SDCCAG8: variants seen among roughly 807,000 people sequenced by gnomAD.
SDCCAG8 encodes serologically defined colon cancer antigen 8.
SDCCAG8 carries 74 observed loss-of-function variants against 101.8 expected under a neutral mutation model. That is an observed-to-expected ratio of 0.73 (90% confidence interval 0.60 to 0.88). The LOEUF (loss-of-function observed/expected upper bound fraction) is 0.88, where lower values mean the gene tolerates loss of function less well. Among genes scored for constraint, SDCCAG8 ranks in the 40% least tolerant of loss-of-function variants. The pLI is 0.00. For missense variants in SDCCAG8, 787 were observed against 822.6 expected, an observed-to-expected ratio of 0.96 and a Z score of 0.53; for synonymous variants, 281 against 292.9, an observed-to-expected ratio of 0.96 and a Z score of 0.41.
At chr1:243,332,808 C>T (rs1285008178) in intron 10 of SDCCAG8, among the ~76,000 whole-genome samples, 3 of 149,966 alleles carry the variant, frequency 2.0e-5, no homozygotes, top group East Asian at 2.0e-4. Flanking sequence ...AGGTGGTTAT[C>T]GTAGTCCAGG....
rs972337943 is a variant in SDCCAG8 at position 243,256,114 on chromosome 1, G to A, written c.-60G>A. Reference sequence around the variant, plus strand: ...CCCGGCCACAGGCCTGTTGTTCTCGGAAGGGAGAAAGCTGGACATTTCCCC... The same window carrying A: ...CCCGGCCACAGGCCTGTTGTTCTCGAAAGGGAGAAAGCTGGACATTTCCCC... On this transcript the variant is annotated 5_prime_UTR_variant, in exon 1 of 18. Transcript: ENST00000366541. 1.3e-6 allele frequency: 2 copies of A among 1,525,578 alleles called. No individual in the cohort carries two copies. Among genetic ancestry groups the A allele is most frequent in the Non-Finnish European group, 1.8e-6 (2 of 1,099,380 alleles). 94.5% of individuals were successfully genotyped at this position (1,525,578 alleles called of 1,614,324 possible).
chr1:243,499,669 T>C (rs1669020250), intron 17 of SDCCAG8, 87 bp from the exon 18 acceptor site: 1 of 1,085,744 alleles, frequency 9.2e-7, no homozygotes, highest in South Asian at 1.3e-5. Context: ...GTTTTCATCA[T>C]AAAAGGTGAC....
intron 12 of SDCCAG8, among the ~76,000 whole-genome samples, chr1:243,359,108 A>G (rs1183253895): frequency 6.6e-6 from 1 of 152,192 alleles, no homozygotes; most frequent in Non-Finnish European, 1.5e-5. Context: ...TAGAGTAACT[A>G]AGGAGGAGGA....
At chr1:243,411,099 A>ATTTATTTATT (rs2080139263) in intron 13 of SDCCAG8, among the ~76,000 whole-genome samples, 1 of 151,958 alleles carries the variant, frequency 6.6e-6, no homozygotes, top group African/African-American at 2.4e-5. Flanking sequence ...TCCTCCTTTA[A>ATTTATTTATT]TTTATTTATT....
chr1:243,323,321 T>C (rs1343303878), intron 9 of SDCCAG8, among the ~76,000 whole-genome samples: 1 of 152,120 alleles, frequency 6.6e-6, no homozygotes, highest in African/African-American at 2.4e-5. Context: ...GATGACCTAC[T>C]TCTCACTTTA....
At chr1:243,395,899 AT>A (rs1159050849) in intron 13 of SDCCAG8, among the ~76,000 whole-genome samples, 1 of 152,066 alleles carries the variant, frequency 6.6e-6, no homozygotes, top group Non-Finnish European at 1.5e-5. Context: ...AATTTAGAAA[AT>A]TTTACAGACT....
intron 13 of SDCCAG8, among the ~76,000 whole-genome samples, chr1:243,401,802 A>G (rs1268494809): frequency 6.6e-6 from 1 of 151,628 alleles, no homozygotes; most frequent in Non-Finnish European, 1.5e-5. Flanking sequence ...GGTTGTTCTT[A>G]GTGTTCTATC....
intron 6 of SDCCAG8, among the ~76,000 whole-genome samples, chr1:243,296,857 A>G (rs981042027): frequency 6.6e-6 from 1 of 152,110 alleles, no homozygotes; most frequent in Admixed American, 6.5e-5. Context: ...TAAGGTCATT[A>G]ATGACTTCCA....
rs2074521476 is a variant in SDCCAG8 at position 243,330,683 on chromosome 1, G to A, written c.1212G>A (p.Met404Ile). ...KKEITKEREY[M>I]GSKMLILSQN... Reference sequence around the variant, plus strand: ...AAATAACGAAAGAAAGGGAGTACATGGGATCAAAGGTACTTAAGGACTCTG... The same window carrying A: ...AAATAACGAAAGAAAGGGAGTACATAGGATCAAAGGTACTTAAGGACTCTG... The change falls in exon 10 of 18, where the codon ATG (methionine) becomes ATA (isoleucine). Residue 404 changes from methionine (M) to isoleucine (I), a missense_variant. By Grantham distance (10) the Met-to-Ile change is conservative. Transcript: ENST00000366541. 6.2e-7 allele frequency: 1 copy of A among 1,614,004 alleles called. No homozygotes were observed. The highest frequency in any genetic ancestry group is 8.5e-7 in the Non-Finnish European group (1 of 1,179,956).
chr1:243,328,255 T>C (rs902464827), intron 9 of SDCCAG8, among the ~76,000 whole-genome samples: 2 of 151,606 alleles, frequency 1.3e-5, no homozygotes, highest in African/African-American at 4.8e-5. Context: ...GAGACATCAG[T>C]AACCAGTTTT....
intron 8 of SDCCAG8, among the ~76,000 whole-genome samples, chr1:243,311,465 G>A (rs1264270817): frequency 1.3e-5 from 2 of 152,144 alleles, no homozygotes; most frequent in African/African-American, 4.8e-5. Flanking sequence ...AGAGGTGGAC[G>A]AAGGCAATGA....
chr1:243,268,800 T>A (rs2067841768), intron 1 of SDCCAG8, among the ~76,000 whole-genome samples: 1 of 152,364 alleles, frequency 6.6e-6, no homozygotes, highest in Admixed American at 6.5e-5. Context: ...TGTTTATAAA[T>A]GTATTTTTAT....
chr1:243,293,365 A>C (rs1204245996), intron 6 of SDCCAG8, 146 bp downstream of exon 6: 1 of 823,930 alleles, frequency 1.2e-6, no homozygotes, highest in Non-Finnish European at 2.0e-6. Context: ...AAGTACATTC[A>C]TGTCACTCAA....
chr1:243,490,357 C>T (rs377223520), intron 17 of SDCCAG8, among the ~76,000 whole-genome samples: 1 of 152,240 alleles, frequency 6.6e-6, no homozygotes, highest in African/African-American at 2.4e-5. Context: ...GCCACAGCCG[C>T]ACTGCCACAG....
intron 4 of SDCCAG8, among the ~76,000 whole-genome samples, chr1:243,284,699 G>A (rs1236292820): frequency 6.6e-6 from 1 of 152,142 alleles, no homozygotes; most frequent in Non-Finnish European, 1.5e-5. Context: ...TGGTAAAGTC[G>A]TTTCCCTTGA....
chr1:243,461,554 C>T (rs2148159981), intron 16 of SDCCAG8, among the ~76,000 whole-genome samples: 1 of 152,270 alleles, frequency 6.6e-6, no homozygotes, highest in Middle Eastern at 3.4e-3. Context: ...TTTTCTTCAT[C>T]TTCAAAAAAT....
intron 16 of SDCCAG8, chr1:243,476,306 G>C (rs1319525951): frequency 2.0e-6 from 2 of 985,302 alleles, no homozygotes; most frequent in Non-Finnish European, 2.4e-6. Context: ...CGTAGCGGAC[G>C]GCCAGGAGTT....
At chr1:243,380,189 G>T (rs2077853454) in intron 13 of SDCCAG8, among the ~76,000 whole-genome samples, 1 of 152,104 alleles carries the variant, frequency 6.6e-6, no homozygotes, top group African/African-American at 2.4e-5. Flanking sequence ...GAAAAAAATT[G>T]CTTAATATTG....
At chr1:243,270,915 A>G (rs1160766690) in intron 2 of SDCCAG8, 63 bp from the exon 3 acceptor site, 1 of 1,168,048 alleles carries the variant, frequency 8.6e-7, no homozygotes, top group East Asian at 2.3e-5. Flanking sequence ...GGAAGGATGG[A>G]TGGGTGGTAA....
Sources: gnomAD v4.1 joint callset for allele counts (sites outside exome capture counted in the v4.1 genomes callset) on GRCh38, gnomAD v4.1.1 for gene constraint, MANE v1.5 for transcripts, NCBI Gene and HGNC (gene_info 2026-07-23, HGNC 2026-07-21) for gene names.